The following TMEM232 variants were observed in gnomAD, a reference collection of about 807,000 sequenced individuals.
TMEM232 encodes the protein transmembrane protein 232.
A neutral mutation model predicts 78.8 loss-of-function variants in TMEM232; 80 were observed. The observed-to-expected ratio is 1.01, with a 90% CI of 0.85 to 1.22. TMEM232 has a LOEUF of 1.22. Among genes scored for constraint, TMEM232 ranks in the 50% most tolerant of loss-of-function variants. The pLI is 0.00. For synonymous variants in TMEM232, 297 were observed against 254.3 expected, an observed-to-expected ratio of 1.17 and a Z score of -1.60; for missense variants, 881 against 742.2, an observed-to-expected ratio of 1.19 and a Z score of -2.17.
chr5:110,707,942 A>C (rs1368657457), intron 1 of TMEM232, among the ~76,000 whole-genome samples: 1 of 152,158 alleles, frequency 6.6e-6, no homozygotes, highest in Non-Finnish European at 1.5e-5. Flanking sequence ...TGAAGGGAAG[A>C]ACTCAGTCCT....
chr5:110,568,626 C>T lies in TMEM232; in HGVS notation c.1277-1G>A. ...TAACCAGTCCAGACTACTTGATCAC[C>T]TGTTTAAAAAGAAAAAGTCTTTGGG... is the stretch of plus-strand genomic sequence containing the variant. On this transcript the variant is annotated splice_acceptor_variant, in intron 10 of 13. Transcript: ENST00000455884. LOFTEE classifies it high-confidence loss of function. 1 of 1,526,388 alleles carries T rather than the reference C, an allele frequency of 6.6e-7. No individual in the cohort carries two copies. The highest frequency in any genetic ancestry group is 8.8e-7 in the Non-Finnish European group (1 of 1,140,016). The allele number at this position is 1,526,388 out of a possible 1,614,324, so 94.6% of individuals were successfully genotyped here. A position where few individuals can be genotyped will look rare whatever the true frequency, so the allele number is the denominator to read the frequency against.
chr5:110,601,855 A>C (rs1780952394), intron 10 of TMEM232, among the ~76,000 whole-genome samples: 2 of 152,212 alleles, frequency 1.3e-5, no homozygotes, highest in Admixed American at 1.3e-4. Flanking sequence ...CTAAGCAAAG[A>C]GAACAAAGCT....
chr5:110,706,792 A>G (rs1233053670), intron 1 of TMEM232, among the ~76,000 whole-genome samples: 2 of 152,212 alleles, frequency 1.3e-5, no homozygotes, highest in East Asian at 3.8e-4. Context: ...AAATGAAAAG[A>G]CACCAGCATA....
intron 2 of TMEM232, among the ~76,000 whole-genome samples, chr5:110,644,945 T>A (rs1314171935): frequency 1.3e-5 from 2 of 151,596 alleles, no homozygotes; most frequent in Non-Finnish European, 3.0e-5. Context: ...AAGAAACTAT[T>A]ATGACCAATT....
intron 12 of TMEM232, among the ~76,000 whole-genome samples, chr5:110,492,974 T>C (rs556515857): frequency 1.6e-4 from 24 of 152,008 alleles, no homozygotes; most frequent in Admixed American, 4.6e-4. Flanking sequence ...CAAGATGTGC[T>C]ATGATTGATA....
rs753237597 is a variant in TMEM232 at position 110,586,697 on chromosome 5, T to C, written c.1277-18072A>G. On this transcript the variant is annotated intron_variant, in intron 10 of 13. Transcript: ENST00000455884. ...AAGCCCAGAGCTGCTTAGCAATGCT[T>C]CCCTGAAAGATGGAGCACAGTAACA... Among the ~76,000 whole-genome samples the C allele has an allele frequency of 3.4e-4, 51 of 152,062 alleles. 1 individual carries two copies. The highest frequency in any genetic ancestry group is 6.9e-4 in the Non-Finnish European group (47 of 67,942).
At chr5:110,583,274 C>G (rs1441970818) in intron 10 of TMEM232, among the ~76,000 whole-genome samples, 1 of 151,898 alleles carries the variant, frequency 6.6e-6, no homozygotes, top group South Asian at 2.1e-4. Flanking sequence ...TAAATTAAAA[C>G]AGTACCAGCC....
At chr5:110,505,308 T>C (rs1766744513) in intron 12 of TMEM232, among the ~76,000 whole-genome samples, 1 of 152,054 alleles carries the variant, frequency 6.6e-6, no homozygotes, top group Admixed American at 6.6e-5. Flanking sequence ...ACTGTATGTG[T>C]TTGGACCCAT....
At chr5:110,518,497 G>A (rs1463208102) in intron 12 of TMEM232, among the ~76,000 whole-genome samples, 2 of 151,974 alleles carry the variant, frequency 1.3e-5, no homozygotes, top group Non-Finnish European at 2.9e-5. Flanking sequence ...TAACAAAAAT[G>A]TATGAAATAC....
At chr5:110,699,828 C>G (rs1424760629) in intron 1 of TMEM232, among the ~76,000 whole-genome samples, 1 of 152,008 alleles carries the variant, frequency 6.6e-6, no homozygotes, top group Non-Finnish European at 1.5e-5. Flanking sequence ...AGAGAAAAAA[C>G]TAAACCAAGT....
At chr5:110,551,041 A>G (rs1171626698) in intron 11 of TMEM232, among the ~76,000 whole-genome samples, 1 of 152,076 alleles carries the variant, frequency 6.6e-6, no homozygotes, top group Non-Finnish European at 1.5e-5. Context: ...CCAACATAAT[A>G]ACTTGGATTT....
intron 1 of TMEM232, among the ~76,000 whole-genome samples, chr5:110,688,460 C>A (rs538020348): frequency 6.6e-6 from 1 of 152,252 alleles, no homozygotes; most frequent in African/African-American, 2.4e-5. Flanking sequence ...CATTCAGATA[C>A]ATTTCCTCTG....
chr5:110,620,643 TCTCCTCTCTCTCTCTC>T (rs1580387141), intron 7 of TMEM232, among the ~76,000 whole-genome samples: 1 of 101,206 alleles, frequency 9.9e-6, no homozygotes, highest in Admixed American at 1.0e-4. Context: ...CTCTCTCCTC[TCTCCTCTCTCTCTCTC>T]CTCCTCTCTC....
chr5:110,546,656 T>C (rs1037231999), intron 11 of TMEM232, among the ~76,000 whole-genome samples: 3 of 152,136 alleles, frequency 2.0e-5, no homozygotes, highest in Non-Finnish European at 4.4e-5. Context: ...TATTTTCTTT[T>C]AGATCTAAGT....
At chr5:110,650,155 T>G (rs1007459181) in intron 2 of TMEM232, among the ~76,000 whole-genome samples, 3 of 152,064 alleles carry the variant, frequency 2.0e-5, no homozygotes, top group African/African-American at 7.2e-5. Context: ...TTGTTCATTG[T>G]TATGATAACT....
chr5:110,401,014 T>G (rs1315841055), intron 2 of TMEM232, among the ~76,000 whole-genome samples: 1 of 152,118 alleles, frequency 6.6e-6, no homozygotes, highest in Non-Finnish European at 1.5e-5. Flanking sequence ...TCAAAACAAC[T>G]TTCTGCCTTA....
intron 8 of TMEM232, among the ~76,000 whole-genome samples, chr5:110,609,670 C>G (rs888802364): frequency 1.3e-5 from 2 of 151,908 alleles, no homozygotes; most frequent in Admixed American, 1.3e-4. Context: ...GTAAACTATC[C>G]AAGAGTAAGG....
chr5:110,390,258 C>T (rs1284241072), intron 4 of TMEM232, among the ~76,000 whole-genome samples: 1 of 152,192 alleles, frequency 6.6e-6, no homozygotes, highest in Non-Finnish European at 1.5e-5. Context: ...AATCTCACTG[C>T]AGGAGTCGTA....
intron 5 of TMEM232, among the ~76,000 whole-genome samples, chr5:110,632,387 C>A (rs761345794): frequency 6.6e-6 from 1 of 151,190 alleles, no homozygotes; most frequent in Non-Finnish European, 1.5e-5. Context: ...CAATAATTCC[C>A]CAGCAATATA....
Sources: allele counts gnomAD v4.1 joint callset (sites outside exome capture counted in the v4.1 genomes callset), GRCh38; gene constraint gnomAD v4.1.1; transcripts MANE v1.5; gene names NCBI Gene and HGNC (gene_info 2026-07-23, HGNC 2026-07-21).